The following CEP250 variants were observed in gnomAD, a reference collection of about 807,000 sequenced individuals.
CEP250 encodes centrosomal protein 250, also known as centrosome-associated protein CEP250.
Under a neutral mutation model 315.7 loss-of-function variants are expected in CEP250, and 242 were observed. The ratio of observed to expected loss-of-function variants is 0.77; its 90% CI spans 0.69 to 0.85. CEP250 has a LOEUF of 0.85. Among genes scored for constraint, CEP250 ranks in the 40% least tolerant of loss-of-function variants. The pLI, the probability that CEP250 is intolerant of heterozygous loss-of-function variation, is 0.00. For synonymous variants in CEP250, 1,088 were observed against 1,175.0 expected (o/e 0.93, Z 1.51); for missense variants, 2,515 against 2,886.4 (o/e 0.87, Z 2.95).
Position 35,479,308 on chromosome 20 carries a change from T to A in CEP250, c.2172T>A (p.Leu724=). The A allele has an allele frequency of 6.2e-7, 1 of 1,614,150 alleles. No homozygotes were observed. The highest frequency in any genetic ancestry group is 8.5e-7 in the Non-Finnish European group (1 of 1,180,026). The change falls in exon 18 of 35, where the codon CTT becomes CTA. Residue 724 remains leucine (L), a synonymous_variant. Coordinates refer to ENST00000397527, the MANE Select transcript of CEP250 (RefSeq NM_007186.6). ...HQEAKRQEEV[L]ARAVQEKEAL... ...AGGCAAAGCGACAGGAAGAAGTGCTTGCCAGGGCAGTCCAGGAGAAGGAGG... is the reference window on the plus strand; with the variant it reads ...AGGCAAAGCGACAGGAAGAAGTGCTAGCCAGGGCAGTCCAGGAGAAGGAGG...
intron 9 of CEP250, among the ~76,000 whole-genome samples, chr20:35,468,085 T>C: frequency 6.6e-6 from 1 of 151,616 alleles, no homozygotes; most frequent in East Asian, 1.9e-4. Context: ...CCTGGGACTG[T>C]TTACAGGCAC....
At chr20:35,466,240 C>T (rs1278523578) in intron 7 of CEP250, 36 bp downstream of exon 7, 2 of 1,551,864 alleles carry the variant, frequency 1.3e-6, no homozygotes, top group African/African-American at 1.4e-5. Flanking sequence ...TGAGAGGAAG[C>T]CTGTGTATTC....
At chr20:35,510,249 G>A (rs1228583336) in intron 34 of CEP250, among the ~76,000 whole-genome samples, 195 bp downstream of exon 34, 1 of 152,138 alleles carries the variant, frequency 6.6e-6, no homozygotes, top group East Asian at 1.9e-4. Flanking sequence ...CCTGGCCCCC[G>A]ACTTCCAAAT....
intron 9 of CEP250, among the ~76,000 whole-genome samples, chr20:35,468,249 G>A (rs764096217): frequency 8.5e-5 from 13 of 152,174 alleles, no homozygotes; most frequent in African/African-American, 2.6e-4. Context: ...GCAACTCGCC[G>A]AAATGTCACC....
rs2236165 is a variant in CEP250 at position 35,508,896 on chromosome 20, A to G, written c.6907-47A>G. The G allele has an allele frequency of 0.27, 401,137 of 1,486,290 alleles. 60,765 individuals carry two copies. The highest frequency in any genetic ancestry group is 0.55 in the African/African-American group (39,515 of 71,864). 92.1% of individuals were successfully genotyped at this position (1,486,290 alleles called of 1,614,324 possible). A position where few individuals can be genotyped will look rare whatever the true frequency, so the allele number is the denominator to read the frequency against. On this transcript the variant is annotated intron_variant, in intron 32 of 34. Coordinates refer to ENST00000397527, the MANE Select transcript of CEP250 (RefSeq NM_007186.6). ...TCTGGAGAAAGGCAGCTCTGCTCCA[A>G]CCACAGAGCCAAGCCGAGCCCTGAT...
chr20:35,458,715 G>A (rs533083209), intron 2 of CEP250, among the ~76,000 whole-genome samples: 27 of 152,244 alleles, frequency 1.8e-4, no homozygotes, highest in Middle Eastern at 3.4e-3. Flanking sequence ...TCTTGAGGAA[G>A]CTCAGAATGA....
chr20:35,497,776 G>A lies in CEP250; in HGVS notation c.3364G>A (p.Ala1122Thr), dbSNP rs1189265178. The change falls in exon 26 of 35, where the codon GCA becomes ACA. Residue 1122 changes from alanine to threonine, a missense_variant. Ala to Thr is a moderately conservative substitution (Grantham distance 58, BLOSUM62 0). Transcript: ENST00000397527. Reference protein sequence around the residue: ...EKEADFLAQEAQLLEELEASH... With the variant: ...EKEADFLAQETQLLEELEASH... ...GGAGGCTGACTTTCTGGCCCAGGAA[G>A]CACAGCTGCTGGAGGAGCTGGAGGC... is the stretch of plus-strand genomic sequence containing the variant. 1 of 1,561,130 alleles carries A rather than the reference G, an allele frequency of 6.4e-7. No individual in the cohort carries two copies. The highest frequency in any genetic ancestry group is 8.7e-7 in the Non-Finnish European group (1 of 1,151,926).
At chr20:35,494,269 C>G (rs1386930696) in intron 23 of CEP250, 1 of 420,748 alleles carries the variant, frequency 2.4e-6, no homozygotes, top group African/African-American at 2.0e-5. Context: ...CCACCGCACC[C>G]AGCCCAGCCA....
At chr20:35,509,766 C>G (rs1468149453) in intron 33 of CEP250, among the ~76,000 whole-genome samples, 1 of 152,238 alleles carries the variant, frequency 6.6e-6, no homozygotes, top group East Asian at 1.9e-4. Flanking sequence ...GCCATCCAGG[C>G]CTTTTGGATG....
chr20:35,496,633 A>G lies in CEP250; in HGVS notation c.3224A>G (p.Asp1075Gly). 6 of 1,614,072 alleles carry G rather than the reference A, an allele frequency of 3.7e-6. No individual in the cohort carries two copies. Among genetic ancestry groups the G allele is most frequent in the Non-Finnish European group, 5.1e-6 (6 of 1,179,986 alleles). ...AGACTCCTTGTTTTACAAGAAGCTG[A>G]CTCTATTCGACAACAAGAGCTGAGT... ...EQRLLVLQEA[D>G]SIRQQELSAL... is the part of the protein sequence containing the mutation. The change falls in exon 25 of 35, where the codon GAC becomes GGC. Residue 1075 changes from aspartate to glycine, a missense_variant. Transcript: ENST00000397527.
Position 35,473,515 on chromosome 20 carries a change from A to G in CEP250, c.1351A>G (p.Thr451Ala), listed in dbSNP as rs1204430383. The G allele has an allele frequency of 4.3e-6, 7 of 1,613,896 alleles. No individual in the cohort carries two copies. The highest frequency in any genetic ancestry group is 1.7e-5 in the Admixed American group (1 of 59,990). The change falls in exon 13 of 35, where the codon ACT (threonine) becomes GCT (alanine). Residue 451 changes from threonine (T) to alanine (A), a missense_variant. Coordinates refer to ENST00000397527, the MANE Select transcript of CEP250 (RefSeq NM_007186.6). ...TGERDTLAGQ[T>A]VDLQGEVDSL... Reference sequence around the variant, plus strand: ...GGAGCGGGACACTCTGGCAGGGCAGACTGTGGACCTCCAGGGAGAGGTGGA... The same window carrying G: ...GGAGCGGGACACTCTGGCAGGGCAGGCTGTGGACCTCCAGGGAGAGGTGGA...
intron 9 of CEP250, among the ~76,000 whole-genome samples, chr20:35,468,596 C>A (rs767987071): frequency 6.6e-6 from 1 of 152,092 alleles, no homozygotes; most frequent in East Asian, 1.9e-4. Context: ...CTGAGAAGTA[C>A]AAAAGCAGGC....
rs41290918 is a variant in CEP250 at position 35,469,974 on chromosome 20, A to C, written c.936A>C (p.Thr312=). The stretch of plus-strand genomic sequence containing the variant: ...AGATGATAAAGGCTCTGAGAGAGAC[A>C]GTGGAGATCCTGGTACATGATCCTT... ...YEKMIKALRE[T]VEILETNHTE... The change falls in exon 10 of 35, where the codon ACA becomes ACC. Residue 312 remains threonine, a synonymous_variant. Coordinates refer to ENST00000397527, the MANE Select transcript of CEP250 (RefSeq NM_007186.6). 13 of 1,612,018 alleles carry C rather than the reference A, an allele frequency of 8.1e-6. No homozygotes were observed. In the Admixed American group the frequency reaches 2.2e-4, roughly 27 times the overall value.
At chr20:35,469,645 G>A (rs984717328) in intron 9 of CEP250, among the ~76,000 whole-genome samples, 1 of 152,206 alleles carries the variant, frequency 6.6e-6, no homozygotes, top group Non-Finnish European at 1.5e-5. Context: ...CCCCAAACAC[G>A]TGTTCCAGCC....
At chr20:35,472,605 G>A in intron 11 of CEP250, 68 bp from the exon 12 acceptor site, 3 of 1,511,158 alleles carry the variant, frequency 2.0e-6, no homozygotes, top group East Asian at 4.5e-5. Context: ...CAGGCTATAG[G>A]GTTAAGTCCC....
chr20:35,508,545 C>T (rs1049757175), intron 32 of CEP250, among the ~76,000 whole-genome samples: 1 of 152,182 alleles, frequency 6.6e-6, no homozygotes, highest in Non-Finnish European at 1.5e-5. Context: ...GAACTCCTGA[C>T]CTTGTGATCC....
intron 8 of CEP250, 107 bp downstream of exon 8, chr20:35,467,179 G>GGGGGGGGGCCCCCCCC: frequency 9.4e-6 from 5 of 534,544 alleles, no homozygotes; most frequent in Non-Finnish European, 1.4e-5. Context: ...GGTGGGTGGG[G>GGGGGGGGGCCCCCCCC]GAGTTGGTAG....
chr20:35,474,963 A>C, intron 14 of CEP250: 1 of 433,746 alleles, frequency 2.3e-6, no homozygotes, highest in Non-Finnish European at 4.8e-6. Context: ...TGGAAGCTTG[A>C]AGGGCTGCCA....
chr20:35,491,248 C>T lies in CEP250; in HGVS notation c.2791C>T (p.Leu931=). 2 of 1,610,142 alleles carry T rather than the reference C, an allele frequency of 1.2e-6. No individual in the cohort carries two copies. The highest frequency in any genetic ancestry group is 1.7e-6 in the Non-Finnish European group (2 of 1,178,178). Residue 931 remains leucine (L), a synonymous_variant, in exon 22 of 35, where the codon CTG becomes TTG. Coordinates refer to ENST00000397527, the MANE Select transcript of CEP250 (RefSeq NM_007186.6). ...AACAGAGAAGGAGAGAGTATCCCTCCTGGAGACACTGCTGCAGACGCAGAA... is the reference window on the plus strand; with the variant it reads ...AACAGAGAAGGAGAGAGTATCCCTCTTGGAGACACTGCTGCAGACGCAGAA... ...LETEKERVSL[L]ETLLQTQKEL...
Sources: allele counts gnomAD v4.1 joint callset (sites outside exome capture counted in the v4.1 genomes callset), GRCh38; gene constraint gnomAD v4.1.1; transcripts MANE v1.5; gene names NCBI Gene and HGNC (gene_info 2026-07-23, HGNC 2026-07-21).